Variants in CACNA2D2 observed in about 807,000 individuals in gnomAD.
CACNA2D2 encodes the protein calcium voltage-gated channel auxiliary subunit alpha2delta 2, also known as voltage-dependent calcium channel subunit alpha-2/delta-2.
Under a neutral mutation model 166.4 loss-of-function variants are expected in CACNA2D2, and 48 were observed. That is an observed-to-expected ratio of 0.29 (90% CI 0.23 to 0.37). CACNA2D2 has a LOEUF of 0.37. Among genes scored for constraint, CACNA2D2 ranks in the 10% least tolerant of loss-of-function variants. The probability of loss-of-function intolerance (pLI) is 1.00; values close to 1 mark genes in which losing one functional copy is unlikely to be tolerated. For missense variants in CACNA2D2, 1,122 were observed against 1,433.0 expected (o/e 0.78, Z 3.50); for synonymous variants, 561 against 573.7 (o/e 0.98, Z 0.32).
At chr3:50,451,625 C>T (rs1005583777) in intron 2 of CACNA2D2, among the ~76,000 whole-genome samples, 1 of 152,208 alleles carries the variant, frequency 6.6e-6, no homozygotes, top group Admixed American at 6.5e-5. Context: ...GGACAACTTC[C>T]ATGGGTTTTA....
intron 5 of CACNA2D2, among the ~76,000 whole-genome samples, 189 bp from the exon 6 acceptor site, chr3:50,384,526 C>T (rs919626269): frequency 6.6e-6 from 1 of 152,174 alleles, no homozygotes. Context: ...GGACCCCTCA[C>T]CCAAGGGGCC....
intron 3 of CACNA2D2, among the ~76,000 whole-genome samples, chr3:50,396,075 G>A (rs1269557566): frequency 1.3e-5 from 2 of 152,016 alleles, no homozygotes; most frequent in Non-Finnish European, 2.9e-5. Flanking sequence ...CTAGGGTTTT[G>A]GGGGCCCCAG....
chr3:50,435,209 G>T (rs1305316172), intron 2 of CACNA2D2, among the ~76,000 whole-genome samples: 1 of 151,984 alleles, frequency 6.6e-6, no homozygotes, highest in African/African-American at 2.4e-5. Flanking sequence ...GGCTGGGGTG[G>T]GGTGAGGGTC....
At chr3:50,454,687 C>T (rs771263316) in intron 2 of CACNA2D2, among the ~76,000 whole-genome samples, 15 of 152,208 alleles carry the variant, frequency 9.9e-5, no homozygotes, top group Non-Finnish European at 1.9e-4. Flanking sequence ...CTCTTATACT[C>T]GGTGAGCTAA....
intron 2 of CACNA2D2, among the ~76,000 whole-genome samples, 161 bp downstream of exon 2, chr3:50,475,957 C>A (rs1196525886): frequency 6.6e-6 from 1 of 152,208 alleles, no homozygotes; most frequent in Admixed American, 6.5e-5. Context: ...CAGAGGAGTG[C>A]TGCCCATCCA....
At chr3:50,468,096 G>A (rs912233091) in intron 2 of CACNA2D2, among the ~76,000 whole-genome samples, 14 of 152,330 alleles carry the variant, frequency 9.2e-5, no homozygotes, top group African/African-American at 3.4e-4. Flanking sequence ...GGGGAGGAAT[G>A]CAGATTGGGT....
At chr3:50,466,011 C>G (rs1341948216) in intron 2 of CACNA2D2, among the ~76,000 whole-genome samples, 2 of 152,184 alleles carry the variant, frequency 1.3e-5, no homozygotes, top group Non-Finnish European at 2.9e-5. Context: ...TTGCTCCTTA[C>G]CAGCCACAGC....
At position 50,365,435 on chromosome 3, in the gene CACNA2D2, C is replaced by T. The variant is rs140865285; in HGVS notation, c.3019G>A (p.Val1007Ile). The change falls in exon 35 of 38, where the codon GTC becomes ATC. Residue 1007 changes from valine (V) to isoleucine (I), a missense_variant. By Grantham distance (29) the Val-to-Ile change is conservative. Around this residue, in one of 2 missense-constraint regions of CACNA2D2, gnomAD observed 282 missense variants for 266.2 expected, o/e 1.06. Transcript: ENST00000424201. This position sits in a 1 kb window ranked among gnomAD's most constrained non-coding sequence, Gnocchi z 4.5. ...AAGTAGTACTGGGTCTGTTTCATGA[C>T]GCAGCTGCTCTCGCGCGTCTCGGGG... ...GSPETRESSCVMKQTQYYFGS... is the reference protein window; with the variant it reads ...GSPETRESSCIMKQTQYYFGS... The T allele has an allele frequency of 6.2e-7, 1 of 1,613,550 alleles. No individual in the cohort carries two copies. Among genetic ancestry groups the T allele is most frequent in the African/African-American group, 1.3e-5 (1 of 74,928 alleles).
intron 2 of CACNA2D2, among the ~76,000 whole-genome samples, chr3:50,448,927 G>A (rs1559959291): frequency 6.6e-6 from 1 of 152,184 alleles, no homozygotes; most frequent in Non-Finnish European, 1.5e-5. Context: ...CCTCCTGCAT[G>A]TGGGGGAGAG....
At chr3:50,441,875 G>C (rs1006020358) in intron 2 of CACNA2D2, among the ~76,000 whole-genome samples, 1 of 152,210 alleles carries the variant, frequency 6.6e-6, no homozygotes, top group Non-Finnish European at 1.5e-5. Context: ...GCAGAATCCA[G>C]CTCGGAAGTG....
At chr3:50,471,899 C>T (rs73835505) in intron 2 of CACNA2D2, among the ~76,000 whole-genome samples, 13,351 of 152,210 alleles carry the variant, frequency 0.088, 1,775 homozygotes, top group African/African-American at 0.29. Context: ...AGGACTGTGC[C>T]GCTGTCACTG....
intron 1 of CACNA2D2, among the ~76,000 whole-genome samples, chr3:50,478,653 T>G (rs1040628398): frequency 1.3e-5 from 2 of 152,204 alleles, no homozygotes. Context: ...TGAGGCATAG[T>G]GGGTTCAACT....
At chr3:50,461,621 C>T (rs561174075) in intron 2 of CACNA2D2, among the ~76,000 whole-genome samples, 5 of 151,696 alleles carry the variant, frequency 3.3e-5, no homozygotes, top group South Asian at 2.1e-4. Flanking sequence ...ATGAGCTGGG[C>T]GTGGCGGCGC....
At chr3:50,421,024 C>T (rs1353439751) in intron 3 of CACNA2D2, among the ~76,000 whole-genome samples, 1 of 152,222 alleles carries the variant, frequency 6.6e-6, no homozygotes, top group Admixed American at 6.5e-5. Flanking sequence ...TCTGGGAGGT[C>T]TCTGACACCC....
chr3:50,455,740 G>A (rs1470729349), intron 2 of CACNA2D2, among the ~76,000 whole-genome samples: 1 of 152,064 alleles, frequency 6.6e-6, no homozygotes, highest in Non-Finnish European at 1.5e-5. Context: ...TCCCAGAATC[G>A]AGCTGAAGAC....
intron 1 of CACNA2D2, among the ~76,000 whole-genome samples, chr3:50,478,094 G>A (rs1326386410): frequency 1.3e-5 from 2 of 152,108 alleles, no homozygotes; most frequent in African/African-American, 4.8e-5. Flanking sequence ...TATTAGCTTC[G>A]GCTTGTTGCT....
intron 1 of CACNA2D2, among the ~76,000 whole-genome samples, chr3:50,479,293 C>T (rs1697942186): frequency 2.0e-5 from 3 of 152,160 alleles, no homozygotes; most frequent in African/African-American, 7.2e-5. Flanking sequence ...ACACACATGT[C>T]CTCCCAAGGT....
chr3:50,420,307 T>C (rs1268411495), intron 3 of CACNA2D2, among the ~76,000 whole-genome samples: 1 of 152,198 alleles, frequency 6.6e-6, no homozygotes, highest in Non-Finnish European at 1.5e-5. Context: ...GGTCCATCAA[T>C]GTGGCAGGCT....
chr3:50,413,668 G>A lies in CACNA2D2; in HGVS notation c.406-19500C>T, dbSNP rs189744049. Among the ~76,000 whole-genome samples, 153 of 152,202 alleles carry A rather than the reference G, an allele frequency of 1.0e-3. 2 individuals are homozygous for A. Among genetic ancestry groups the A allele is most frequent in the South Asian group, 3.9e-3 (19 of 4,822 alleles). On this transcript the variant is annotated intron_variant, in intron 3 of 37. Coordinates refer to ENST00000424201, the MANE Select transcript of CACNA2D2 (RefSeq NM_006030.4). ...TCGAGACCAGACTGGCCAACATGGC[G>A]AAACCCCAACTCTACTAAAAATACA...
Sources: allele counts gnomAD v4.1 joint callset (sites outside exome capture counted in the v4.1 genomes callset), GRCh38; gene constraint gnomAD v4.1.1; regional missense constraint gnomAD v4.1.1; non-coding constraint Gnocchi (gnomAD v3.1); transcripts MANE v1.5; gene names NCBI Gene and HGNC (gene_info 2026-07-23, HGNC 2026-07-21).